Variants in CYP7B1 observed in about 807,000 individuals in gnomAD.
The protein encoded by CYP7B1 is cytochrome P450 7B1.
Under a neutral mutation model 42.7 loss-of-function variants are expected in CYP7B1, and 29 were observed. That is an observed-to-expected ratio of 0.68 (90% CI 0.51 to 0.93). The LOEUF is 0.93. Among genes scored for constraint, CYP7B1 ranks in the 40% least tolerant of loss-of-function variants. The pLI is 0.00. For missense variants in CYP7B1, 655 were observed against 600.5 expected (o/e 1.09, Z -0.95); for synonymous variants, 235 against 218.2 (o/e 1.08, Z -0.68).
chr8:64,738,946 C>G (rs1807530358), intron 1 of CYP7B1, among the ~76,000 whole-genome samples: 1 of 152,178 alleles, frequency 6.6e-6, no homozygotes, highest in African/African-American at 2.4e-5. Flanking sequence ...GGCTCCCCAA[C>G]ACTTTTATGG....
At chr8:64,662,804 T>C (rs1327173160) in intron 1 of CYP7B1, among the ~76,000 whole-genome samples, 5 of 152,138 alleles carry the variant, frequency 3.3e-5, no homozygotes, top group Non-Finnish European at 5.9e-5. Context: ...TCAGAGGAAA[T>C]TTCCATAGTC....
At chr8:64,756,211 T>G (rs1025351207) in intron 1 of CYP7B1, among the ~76,000 whole-genome samples, 1 of 152,214 alleles carries the variant, frequency 6.6e-6, no homozygotes, top group African/African-American at 2.4e-5. Flanking sequence ...TTTCTTGGTC[T>G]TCAATGTGGA....
chr8:64,717,146 T>G (rs771315679), intron 1 of CYP7B1, among the ~76,000 whole-genome samples: 4 of 151,980 alleles, frequency 2.6e-5, no homozygotes, highest in Non-Finnish European at 5.9e-5. Flanking sequence ...TCCAGCTTTT[T>G]ATGATTAATG....
At chr8:64,764,219 C>T (rs868294962) in intron 1 of CYP7B1, among the ~76,000 whole-genome samples, 2 of 129,176 alleles carry the variant, frequency 1.5e-5, no homozygotes, top group African/African-American at 6.0e-5. Context: ...TTCTACCCAG[C>T]TTCCACGCTG....
intron 1 of CYP7B1, among the ~76,000 whole-genome samples, chr8:64,683,881 G>A (rs1222864875): frequency 6.6e-6 from 1 of 151,998 alleles, no homozygotes; most frequent in East Asian, 1.9e-4. Context: ...TCTTGGGCCC[G>A]GAATGTTGTT....
intron 1 of CYP7B1, among the ~76,000 whole-genome samples, chr8:64,717,408 G>A (rs563396757): frequency 6.6e-6 from 1 of 152,148 alleles, no homozygotes; most frequent in African/African-American, 2.4e-5. Flanking sequence ...CCATTCATGA[G>A]TGCCATTCAG....
chr8:64,673,996 G>C (rs946557092), intron 1 of CYP7B1, among the ~76,000 whole-genome samples: 6 of 152,064 alleles, frequency 3.9e-5, no homozygotes, highest in African/African-American at 1.4e-4. Context: ...ATGCCCAGCA[G>C]CTGGCTCATC....
At chr8:64,615,319 A>G (rs932014917) in intron 3 of CYP7B1, 87 bp from the exon 4 acceptor site, 7 of 1,359,386 alleles carry the variant, frequency 5.1e-6, no homozygotes, top group Non-Finnish European at 7.2e-6. Flanking sequence ...ATGTTAGGAC[A>G]CAGACCCAGC....
At chr8:64,640,191 G>C (rs1335391370) in intron 1 of CYP7B1, among the ~76,000 whole-genome samples, 2 of 152,198 alleles carry the variant, frequency 1.3e-5, no homozygotes, top group East Asian at 3.9e-4. Context: ...GGTGCTGATG[G>C]AAGTGTTCTA....
At chr8:64,756,059 C>A (rs1372938006) in intron 1 of CYP7B1, among the ~76,000 whole-genome samples, 2 of 152,162 alleles carry the variant, frequency 1.3e-5, no homozygotes, top group East Asian at 3.9e-4. Flanking sequence ...GTGCTTTATA[C>A]CAGGAGGTTT....
chr8:64,759,717 A>C (rs2129633680), intron 1 of CYP7B1, among the ~76,000 whole-genome samples: 1 of 152,328 alleles, frequency 6.6e-6, no homozygotes, highest in South Asian at 2.1e-4. Context: ...ACTGAAGCTC[A>C]GAGTGGTTAA....
rs572137605 is a variant in CYP7B1 at position 64,683,007 on chromosome 8, C to T, written c.123-58468G>A. Among the ~76,000 whole-genome samples, 9 of 152,182 alleles carry T rather than the reference C, an allele frequency of 5.9e-5. No individual in the cohort carries two copies. In the East Asian group the frequency reaches 9.6e-4, roughly 16 times the overall value. On this transcript the variant is annotated intron_variant, in intron 1 of 5. Coordinates refer to ENST00000310193, the MANE Select transcript of CYP7B1 (RefSeq NM_004820.5). ...CTTGACTTCTTTCTCTCACAACCCACGTATAACATCAGCAAATCACTTTGT... is the reference window on the plus strand; with the variant it reads ...CTTGACTTCTTTCTCTCACAACCCATGTATAACATCAGCAAATCACTTTGT...
At position 64,779,616 on chromosome 8, in the gene CYP7B1, CCTCTTGCCT is replaced by C. The variant is rs138888197; in HGVS notation, c.122+18841_122+18849del. 3.4e-3 allele frequency among the ~76,000 whole-genome samples: 523 copies of C among 152,156 alleles called. 18 individuals carry two copies. In the East Asian group the frequency reaches 0.09, roughly 26 times the overall value. The stretch of plus-strand genomic sequence containing the variant: ...TCCATGCCAGTGACCCAACAGTAAG[CCTCTTGCCT>C]TCCTGGGATAAGATGATTTGAGTAT... On this transcript the variant is annotated intron_variant, in intron 1 of 5. Transcript: ENST00000310193.
intron 1 of CYP7B1, among the ~76,000 whole-genome samples, chr8:64,657,906 CAACAGA>C (rs1806145163): frequency 6.6e-6 from 1 of 152,176 alleles, no homozygotes; most frequent in Non-Finnish European, 1.5e-5. Context: ...GATTTACAAA[CAACAGA>C]AATTTACTTC....
intron 1 of CYP7B1, among the ~76,000 whole-genome samples, chr8:64,775,099 T>C (rs1563424008): frequency 6.6e-6 from 1 of 152,178 alleles, no homozygotes; most frequent in Non-Finnish European, 1.5e-5. Flanking sequence ...CAATCTGATC[T>C]GAGTTCTTGT....
chr8:64,739,030 C>A (rs1807531736), intron 1 of CYP7B1, among the ~76,000 whole-genome samples: 1 of 152,118 alleles, frequency 6.6e-6, no homozygotes, highest in African/African-American at 2.4e-5. Flanking sequence ...CTCTGGCAGG[C>A]AGAGGGAAAG....
At chr8:64,792,185 T>A (rs1379833066) in intron 1 of CYP7B1, among the ~76,000 whole-genome samples, 1 of 152,156 alleles carries the variant, frequency 6.6e-6, no homozygotes, top group African/African-American at 2.4e-5. Flanking sequence ...AACTTAGATA[T>A]TTAGCTGAGG....
intron 1 of CYP7B1, among the ~76,000 whole-genome samples, chr8:64,765,363 C>T (rs1807956485): frequency 6.6e-6 from 1 of 152,164 alleles, no homozygotes; most frequent in African/African-American, 2.4e-5. Flanking sequence ...TATCTCAATC[C>T]TGGCTCAAAA....
chr8:64,629,603 C>T (rs530622248), intron 1 of CYP7B1, among the ~76,000 whole-genome samples: 4 of 151,612 alleles, frequency 2.6e-5, no homozygotes, highest in East Asian at 1.9e-4. Context: ...AATGTTTGAA[C>T]GACTTTTTTT....
Sources: gnomAD v4.1 joint callset for allele counts (sites outside exome capture counted in the v4.1 genomes callset) on GRCh38, gnomAD v4.1.1 for gene constraint, MANE v1.5 for transcripts, NCBI Gene and HGNC (gene_info 2026-07-23, HGNC 2026-07-21) for gene names.